Variants in LIMCH1 observed in about 807,000 individuals in gnomAD.
LIMCH1 encodes LIM and calponin homology domains 1.
LIMCH1 carries 113 observed loss-of-function variants against 176.5 expected under a neutral mutation model. The ratio of observed to expected loss-of-function variants is 0.64; its 90% CI spans 0.55 to 0.75. The LOEUF is 0.75. Ranked by LOEUF, LIMCH1 falls within the 30% of genes least tolerant of loss-of-function variation. LIMCH1 has a pLI of 0.00. For missense variants in LIMCH1, 1,674 were observed against 1,814.9 expected (o/e 0.92, Z 1.41); for synonymous variants, 619 against 645.9 (o/e 0.96, Z 0.63).
At chr4:41,380,910 C>T (rs2055564193) in intron 1 of LIMCH1, among the ~76,000 whole-genome samples, 1 of 152,164 alleles carries the variant, frequency 6.6e-6, no homozygotes, top group African/African-American at 2.4e-5. Flanking sequence ...GTTCTAGATA[C>T]CTGAGCAGAT....
intron 1 of LIMCH1, among the ~76,000 whole-genome samples, chr4:41,430,708 A>C (rs1383911053): frequency 6.6e-6 from 1 of 152,168 alleles, no homozygotes; most frequent in Non-Finnish European, 1.5e-5. Context: ...GCTTTACTTA[A>C]TTTTACATAA....
chr4:41,613,044 A>G (rs963271958), intron 4 of LIMCH1: 4 of 1,552,128 alleles, frequency 2.6e-6, no homozygotes, highest in Non-Finnish European at 3.5e-6. Flanking sequence ...CAGCTAAACC[A>G]GGGGCTCATT....
intron 2 of LIMCH1, among the ~76,000 whole-genome samples, chr4:41,515,917 G>A (rs558688772): frequency 2.6e-5 from 4 of 152,270 alleles, no homozygotes; most frequent in South Asian, 2.1e-4. Flanking sequence ...TTCTCTCCAC[G>A]CTCTTGATAG....
intron 13 of LIMCH1, among the ~76,000 whole-genome samples, chr4:41,635,425 G>C (rs571771603): frequency 6.6e-6 from 1 of 151,952 alleles, no homozygotes; most frequent in African/African-American, 2.4e-5. Context: ...ACGGGGTTTC[G>C]CTGTGTTGGC....
intron 15 of LIMCH1, 60 bp downstream of exon 15, chr4:41,644,686 C>G: frequency 6.4e-7 from 1 of 1,558,484 alleles, no homozygotes. Flanking sequence ...AAAATCCAGC[C>G]GGGTGGGTAG....
intron 20 of LIMCH1, among the ~76,000 whole-genome samples, chr4:41,666,247 G>A (rs2094820513): frequency 6.6e-6 from 1 of 152,172 alleles, no homozygotes; most frequent in African/African-American, 2.4e-5. Flanking sequence ...AAGAGAATTT[G>A]TGATTGTTCA....
chr4:41,564,144 C>T (rs1484086414), intron 1 of LIMCH1, among the ~76,000 whole-genome samples: 4 of 152,166 alleles, frequency 2.6e-5, no homozygotes, highest in African/African-American at 9.7e-5. Flanking sequence ...ATTTCAATTA[C>T]TTCTCATAAC....
At chr4:41,395,455 C>G (rs961224225) in intron 1 of LIMCH1, among the ~76,000 whole-genome samples, 7 of 149,752 alleles carry the variant, frequency 4.7e-5, no homozygotes, top group African/African-American at 1.7e-4. Context: ...GTTGACCAAG[C>G]TGGTCTCGAA....
At position 41,646,151 on chromosome 4, in the gene LIMCH1, G is replaced by A; in HGVS notation, c.2282G>A (p.Arg761Lys). 1.2e-6 allele frequency: 2 copies of A among 1,613,144 alleles called. No individual in the cohort carries two copies. The highest frequency in any genetic ancestry group is 1.7e-6 in the Non-Finnish European group (2 of 1,179,834). ...DDLARWKSRR[R>K]SVSQDLIKKE... ...CTGGCTCGTTGGAAGAGTCGTAGAA[G>A]AAGTGTTTCTCAGGACTTAATCAAG... The change falls in exon 16 of 32, where the codon AGA (arginine) becomes AAA (lysine). Residue 761 changes from arginine to lysine, a missense_variant. Arg to Lys is a conservative substitution (Grantham distance 26, BLOSUM62 2). Around this residue, in one of 3 missense-constraint regions of LIMCH1, gnomAD observed 1,015 missense variants for 1,102.5 expected, o/e 0.92. Coordinates refer to ENST00000503057, the MANE Select transcript of LIMCH1 (RefSeq NM_001330672.2).
intron 2 of LIMCH1, among the ~76,000 whole-genome samples, chr4:41,520,633 A>G (rs1157302476): frequency 6.6e-6 from 1 of 152,218 alleles, no homozygotes; most frequent in Non-Finnish European, 1.5e-5. Context: ...AGTGGACAAC[A>G]CATAGCAGGC....
intron 1 of LIMCH1, among the ~76,000 whole-genome samples, chr4:41,572,728 T>C (rs2083758657): frequency 6.6e-6 from 1 of 152,104 alleles, no homozygotes; most frequent in South Asian, 2.1e-4. Flanking sequence ...TCACATGGTG[T>C]TTGTGTTTTG....
intron 4 of LIMCH1, chr4:41,613,210 A>G: frequency 1.0e-6 from 1 of 988,764 alleles, no homozygotes; most frequent in Non-Finnish European, 1.5e-6. Flanking sequence ...TTTTAAACCT[A>G]GGGAATATGA....
chr4:41,452,862 C>G (rs2064063983), intron 1 of LIMCH1, among the ~76,000 whole-genome samples: 2 of 152,148 alleles, frequency 1.3e-5, no homozygotes, highest in South Asian at 4.2e-4. Context: ...GTGTACTTTT[C>G]TGTTGCCCTC....
At chr4:41,470,576 T>C (rs567383618) in intron 1 of LIMCH1, among the ~76,000 whole-genome samples, 15 of 152,306 alleles carry the variant, frequency 9.8e-5, no homozygotes, top group African/African-American at 3.4e-4. Context: ...TGTACACTTC[T>C]CCTCACCATT....
intron 2 of LIMCH1, among the ~76,000 whole-genome samples, chr4:41,496,028 A>T (rs2072056480): frequency 6.6e-6 from 1 of 152,262 alleles, no homozygotes; most frequent in East Asian, 1.9e-4. Context: ...AGCTCAGTGG[A>T]TGCAAGCCAG....
chr4:41,365,098 C>A (rs1436890225), intron 1 of LIMCH1, among the ~76,000 whole-genome samples: 1 of 152,220 alleles, frequency 6.6e-6, no homozygotes, highest in Non-Finnish European at 1.5e-5. Context: ...TGATTTGGAA[C>A]AGGTTCCCAG....
intron 16 of LIMCH1, 77 bp from the exon 17 acceptor site, chr4:41,646,408 C>T (rs1174358760): frequency 1.3e-6 from 2 of 1,530,608 alleles, no homozygotes; most frequent in Non-Finnish European, 8.9e-7. Context: ...CTCTTCAGTG[C>T]TACCTTCGTT....
chr4:41,595,027 G>C (rs1015254811), intron 1 of LIMCH1, among the ~76,000 whole-genome samples: 9 of 152,196 alleles, frequency 5.9e-5, no homozygotes, highest in African/African-American at 2.2e-4. Context: ...AGACTCACCT[G>C]GATCTGTACT....
chr4:41,555,185 A>G (rs2081070516), intron 1 of LIMCH1, among the ~76,000 whole-genome samples: 1 of 152,164 alleles, frequency 6.6e-6, no homozygotes. Flanking sequence ...GAACGTTATG[A>G]ACTTGATTGA....
Sources: gnomAD v4.1 joint callset for allele counts (sites outside exome capture counted in the v4.1 genomes callset) on GRCh38, gnomAD v4.1.1 for gene constraint, gnomAD v4.1.1 regional missense constraint, MANE v1.5 for transcripts, NCBI Gene and HGNC (gene_info 2026-07-23, HGNC 2026-07-21) for gene names.